Variants in DLGAP1 observed in about 807,000 individuals in gnomAD.
DLGAP1 encodes disks large-associated protein 1.
DLGAP1 carries 11 observed loss-of-function variants against 90.8 expected under a neutral mutation model. That is an observed-to-expected ratio of 0.12 (90% confidence interval 0.08 to 0.20). The LOEUF is 0.20. Ranked by LOEUF, DLGAP1 falls within the 10% of genes least tolerant of loss-of-function variation. The probability of loss-of-function intolerance (pLI) is 1.00; values close to 1 mark genes in which losing one functional copy is unlikely to be tolerated. For synonymous variants in DLGAP1, 558 were observed against 540.7 expected (o/e 1.03, Z -0.44); for missense variants, 1,050 against 1,333.8 (o/e 0.79, Z 3.31).
chr18:3,899,694 T>C (rs984481539), intron 3 of DLGAP1, among the ~76,000 whole-genome samples: 3 of 152,212 alleles, frequency 2.0e-5, no homozygotes, highest in African/African-American at 7.2e-5. Flanking sequence ...AAGGAAGCCA[T>C]CTTCTCTTAC....
chr18:3,610,503 C>T (rs898932157), intron 7 of DLGAP1, among the ~76,000 whole-genome samples: 3 of 152,140 alleles, frequency 2.0e-5, no homozygotes, highest in Admixed American at 6.6e-5. Flanking sequence ...TTGCCATGCT[C>T]TGAGTCCCTA....
intron 7 of DLGAP1, among the ~76,000 whole-genome samples, chr18:3,716,494 T>C (rs2061765426): frequency 1.3e-5 from 2 of 152,138 alleles, no homozygotes; most frequent in African/African-American, 4.8e-5. Flanking sequence ...TGTGATTGCA[T>C]CACTGCACTC....
At chr18:3,624,207 G>C (rs1186133977) in intron 7 of DLGAP1, among the ~76,000 whole-genome samples, 1 of 152,208 alleles carries the variant, frequency 6.6e-6, no homozygotes, top group Non-Finnish European at 1.5e-5. Context: ...CTCTGGCCAG[G>C]AGACAACGGG....
intron 1 of DLGAP1, among the ~76,000 whole-genome samples, chr18:4,190,346 G>A (rs1005076191): frequency 1.3e-5 from 2 of 152,084 alleles, no homozygotes; most frequent in African/African-American, 2.4e-5. Flanking sequence ...ATCAGTGGTT[G>A]CCAGGGGTTC....
chr18:4,428,126 C>T (rs952014570), intron 1 of DLGAP1, among the ~76,000 whole-genome samples: 2 of 152,128 alleles, frequency 1.3e-5, no homozygotes, highest in African/African-American at 2.4e-5. Context: ...AATCTGGGTC[C>T]CCCCCTCAAA....
At chr18:4,012,226 G>T (rs2074437409) in intron 2 of DLGAP1, among the ~76,000 whole-genome samples, 1 of 152,164 alleles carries the variant, frequency 6.6e-6, no homozygotes, top group Admixed American at 6.5e-5. Context: ...TCTAGTTAGT[G>T]AATGTTCTAA....
intron 2 of DLGAP1, among the ~76,000 whole-genome samples, chr18:4,033,743 T>C (rs1179646772): frequency 6.7e-6 from 1 of 150,250 alleles, no homozygotes; most frequent in East Asian, 1.9e-4. Flanking sequence ...TTAGCAACTT[T>C]TTTTTTTTTT....
intron 1 of DLGAP1, among the ~76,000 whole-genome samples, chr18:4,173,599 A>G (rs987815842): frequency 6.6e-6 from 1 of 152,214 alleles, no homozygotes; most frequent in African/African-American, 2.4e-5. Flanking sequence ...ACTTATTAAA[A>G]TTCAAGGTTT....
intron 7 of DLGAP1, among the ~76,000 whole-genome samples, chr18:3,684,626 T>A (rs1052993223): frequency 6.6e-6 from 1 of 152,186 alleles, no homozygotes; most frequent in Admixed American, 6.5e-5. Flanking sequence ...TAGGAACTAA[T>A]CCTCTATAAG....
intron 2 of DLGAP1, among the ~76,000 whole-genome samples, chr18:4,096,058 C>T (rs563556462): frequency 6.6e-6 from 1 of 152,248 alleles, no homozygotes; most frequent in South Asian, 2.1e-4. Context: ...CAAAGTCTCG[C>T]TTTGTCGGCC....
intron 1 of DLGAP1, among the ~76,000 whole-genome samples, chr18:4,269,101 A>C (rs2079196912): frequency 6.6e-6 from 1 of 151,832 alleles, no homozygotes; most frequent in Admixed American, 6.6e-5. Context: ...AATATCAAGA[A>C]ATCCCTTTTA....
intron 9 of DLGAP1, among the ~76,000 whole-genome samples, chr18:3,543,483 T>C (rs1268654519): frequency 1.3e-5 from 2 of 152,056 alleles, no homozygotes; most frequent in African/African-American, 4.8e-5. Flanking sequence ...CCAATATTTT[T>C]CCAATACATT....
intron 1 of DLGAP1, among the ~76,000 whole-genome samples, chr18:4,190,682 C>G (rs1464783939): frequency 6.6e-6 from 1 of 152,068 alleles, no homozygotes; most frequent in Non-Finnish European, 1.5e-5. Flanking sequence ...TCTAAAACTT[C>G]TCTAAAAACA....
chr18:4,135,115 T>C (rs1378208414), intron 2 of DLGAP1, among the ~76,000 whole-genome samples: 2 of 152,156 alleles, frequency 1.3e-5, no homozygotes, highest in African/African-American at 4.8e-5. Context: ...CATTAAAATA[T>C]TACGGTTAAT....
At chr18:4,334,549 A>C (rs368497109) in intron 1 of DLGAP1, among the ~76,000 whole-genome samples, 12 of 151,862 alleles carry the variant, frequency 7.9e-5, no homozygotes, top group African/African-American at 2.4e-4. Context: ...ATTTGTAAAA[A>C]TGTCCTAGTC....
rs554713214 is a variant in DLGAP1, at chr18:3,600,719, T to C, written c.1592-18471A>G. 6.7e-4 allele frequency among the ~76,000 whole-genome samples: 41 copies of C among 61,264 alleles called. 5 individuals carry two copies. Among genetic ancestry groups the C allele is most frequent in the Non-Finnish European group, 2.2e-4 (7 of 32,266 alleles). 40.2% of individuals were successfully genotyped at this position (61,264 alleles called of 152,430 possible). ...ATAGATATCTATAGCTATATAGATA[T>C]AGAGATATAGATATATATAGATATA... On this transcript the variant is annotated intron_variant, in intron 7 of 12. Transcript: ENST00000315677.
chr18:3,803,067 G>A (rs1335567842), intron 5 of DLGAP1, among the ~76,000 whole-genome samples: 1 of 152,108 alleles, frequency 6.6e-6, no homozygotes, highest in African/African-American at 2.4e-5. Context: ...GCTCTGCCTC[G>A]TAGAGCGTGT....
chr18:4,236,816 C>T (rs1005122020), intron 1 of DLGAP1, among the ~76,000 whole-genome samples: 3 of 152,080 alleles, frequency 2.0e-5, no homozygotes, highest in South Asian at 4.2e-4. Flanking sequence ...TATTGAATAA[C>T]CAATTGTTTG....
At chr18:4,120,302 C>T (rs989222478) in intron 2 of DLGAP1, among the ~76,000 whole-genome samples, 1 of 152,146 alleles carries the variant, frequency 6.6e-6, no homozygotes, top group African/African-American at 2.4e-5. Context: ...CATCAGATGG[C>T]GTCACTGACT....
Sources: gnomAD v4.1 joint callset for allele counts (sites outside exome capture counted in the v4.1 genomes callset) on GRCh38, gnomAD v4.1.1 for gene constraint, MANE v1.5 for transcripts, NCBI Gene and HGNC (gene_info 2026-07-23, HGNC 2026-07-21) for gene names.